MACROH2A2: variants seen among roughly 807,000 people sequenced by gnomAD.
MACROH2A2 encodes the protein core histone macro-H2A.2.
Under a neutral mutation model 37.6 loss-of-function variants are expected in MACROH2A2, and 6 were observed. The observed-to-expected ratio is 0.16, with a 90% CI of 0.09 to 0.32. The LOEUF (loss-of-function observed/expected upper bound fraction) is 0.32. Ranked by LOEUF, MACROH2A2 falls within the 10% of genes least tolerant of loss-of-function variation. The pLI is 1.00. For synonymous variants in MACROH2A2, 192 were observed against 202.7 expected (o/e 0.95, Z 0.45); for missense variants, 290 against 485.9 (o/e 0.60, Z 3.79).
At chr10:70,055,418 T>C (rs2072009110) in intron 1 of MACROH2A2, among the ~76,000 whole-genome samples, 1 of 152,222 alleles carries the variant, frequency 6.6e-6, no homozygotes. Flanking sequence ...TTTGTTTTGT[T>C]GTTGTTTTGA....
chr10:70,099,922 G>A (rs2136640161), intron 6 of MACROH2A2, among the ~76,000 whole-genome samples: 1 of 152,236 alleles, frequency 6.6e-6, no homozygotes, highest in African/African-American at 2.4e-5. Flanking sequence ...GTTTTTTGTT[G>A]TTTTGTTTTT....
At chr10:70,086,080 T>C (rs751454759) in intron 2 of MACROH2A2, among the ~76,000 whole-genome samples, 3 of 152,026 alleles carry the variant, frequency 2.0e-5, no homozygotes, top group Non-Finnish European at 2.9e-5. Flanking sequence ...CACTGCAGCC[T>C]TGGAACTCCT....
intron 8 of MACROH2A2, among the ~76,000 whole-genome samples, chr10:70,110,309 TG>T (rs1443560082): frequency 6.6e-6 from 1 of 152,164 alleles, no homozygotes; most frequent in African/African-American, 2.4e-5. Flanking sequence ...CCCTGGAACC[TG>T]GGGCCTTTAA....
intron 2 of MACROH2A2, among the ~76,000 whole-genome samples, chr10:70,084,562 C>T (rs966873041): frequency 2.0e-5 from 3 of 152,216 alleles, no homozygotes; most frequent in South Asian, 2.1e-4. Flanking sequence ...AGCAAGACTC[C>T]GTCTCTAAAT....
intron 2 of MACROH2A2, among the ~76,000 whole-genome samples, chr10:70,079,549 GTT>G (rs2072160943): frequency 1.4e-5 from 2 of 138,870 alleles, no homozygotes; most frequent in Non-Finnish European, 3.1e-5. Flanking sequence ...CACGTTGAGG[GTT>G]CGCGCGCGCG....
At chr10:70,067,080 T>C (rs1390653674) in intron 1 of MACROH2A2, among the ~76,000 whole-genome samples, 1 of 152,222 alleles carries the variant, frequency 6.6e-6, no homozygotes, top group East Asian at 1.9e-4. Flanking sequence ...TCAATGTTAA[T>C]GAGTCAACAA....
At chr10:70,061,855 C>T (rs965983237) in intron 1 of MACROH2A2, among the ~76,000 whole-genome samples, 9 of 152,082 alleles carry the variant, frequency 5.9e-5, no homozygotes, top group African/African-American at 1.7e-4. Context: ...TAGCCCTTTA[C>T]GTTATAAATT....
intron 2 of MACROH2A2, among the ~76,000 whole-genome samples, chr10:70,077,561 A>G (rs746084740): frequency 1.3e-5 from 2 of 149,346 alleles, no homozygotes; most frequent in Non-Finnish European, 3.0e-5. Flanking sequence ...AGCCTAGGTG[A>G]CAGAGCGAGA....
At chr10:70,084,791 G>A (rs57268233) in intron 2 of MACROH2A2, among the ~76,000 whole-genome samples, 14,152 of 151,974 alleles carry the variant, frequency 0.093, 718 homozygotes, top group African/African-American at 0.13. Flanking sequence ...TTGTAAAGAC[G>A]GGGTTTCGCC....
chr10:70,055,594 C>T (rs995756316), intron 1 of MACROH2A2, among the ~76,000 whole-genome samples: 3 of 151,974 alleles, frequency 2.0e-5, no homozygotes, highest in Non-Finnish European at 4.4e-5. Context: ...AGCTTACAAC[C>T]CCAAGCCTAG....
intron 2 of MACROH2A2, among the ~76,000 whole-genome samples, chr10:70,080,467 G>A (rs2072169316): frequency 1.3e-5 from 2 of 152,092 alleles, no homozygotes; most frequent in Non-Finnish European, 2.9e-5. Context: ...TGGGCAGAGT[G>A]GCTCATGCCT....
chr10:70,054,504 G>C (rs73271675), intron 1 of MACROH2A2, among the ~76,000 whole-genome samples: 19,479 of 152,110 alleles, frequency 0.13, 1,327 homozygotes, highest in South Asian at 0.18. Flanking sequence ...TTGCTCATTT[G>C]TGTTTGTTTT....
intron 7 of MACROH2A2, among the ~76,000 whole-genome samples, chr10:70,100,617 CTTT>C (rs34180859): frequency 1.2e-4 from 17 of 137,980 alleles, no homozygotes; most frequent in African/African-American, 3.5e-4. Flanking sequence ...ATGTTTTGTT[CTTT>C]TTTTTTTTTT....
intron 1 of MACROH2A2, among the ~76,000 whole-genome samples, chr10:70,055,747 T>C (rs970073890): frequency 6.6e-6 from 1 of 152,210 alleles, no homozygotes; most frequent in Non-Finnish European, 1.5e-5. Context: ...ATAAAATTAA[T>C]AATGCACACA....
chr10:70,084,806 T>C (rs759466075), intron 2 of MACROH2A2, among the ~76,000 whole-genome samples: 83 of 152,298 alleles, frequency 5.4e-4, no homozygotes, highest in South Asian at 1.0e-3. Flanking sequence ...TTCGCCGTGT[T>C]GCCCAGGCTG....
intron 2 of MACROH2A2, among the ~76,000 whole-genome samples, chr10:70,084,763 G>T (rs1032141012): frequency 6.6e-6 from 1 of 152,040 alleles, no homozygotes; most frequent in Non-Finnish European, 1.5e-5. Flanking sequence ...CACCAAGCCT[G>T]CCTAATTTTT....
intron 2 of MACROH2A2, among the ~76,000 whole-genome samples, chr10:70,076,738 A>G (rs895730476): frequency 6.6e-6 from 1 of 152,172 alleles, no homozygotes; most frequent in South Asian, 2.1e-4. Context: ...AAACCTCCCC[A>G]GATGGTCTAA....
intron 2 of MACROH2A2, among the ~76,000 whole-genome samples, chr10:70,077,850 C>A (rs1332513639): frequency 2.0e-5 from 3 of 152,194 alleles, no homozygotes; most frequent in Non-Finnish European, 4.4e-5. Context: ...AGGGAGAGAA[C>A]AGACTTTGAG....
In MACROH2A2 at chr10:70,075,878, T is replaced by A; in HGVS notation, c.172+48T>A. 1 of 1,492,106 alleles carries A rather than the reference T, an allele frequency of 6.7e-7. No individual in the cohort carries two copies. The highest frequency in any genetic ancestry group is 9.2e-7 in the Non-Finnish European group (1 of 1,081,742). 92.4% of individuals were successfully genotyped at this position (1,492,106 alleles called of 1,614,324 possible). ...GCTGCCTGCTCCCAGGTCCCCACCC[T>A]CCCCTGGGTCCCCCTCGCAGGCTGG... is the stretch of plus-strand genomic sequence containing the variant. On this transcript the variant is annotated intron_variant, in intron 2 of 8. Transcript: ENST00000373255. The surrounding 1 kb of genome is among the most constrained non-coding windows in gnomAD (Gnocchi z 5.0).
Sources: allele counts gnomAD v4.1 joint callset (sites outside exome capture counted in the v4.1 genomes callset), GRCh38; gene constraint gnomAD v4.1.1; non-coding constraint Gnocchi (gnomAD v3.1); transcripts MANE v1.5; gene names NCBI Gene and HGNC (gene_info 2026-07-23, HGNC 2026-07-21).